Variants in VPS13D observed in about 807,000 individuals in gnomAD.
VPS13D encodes the protein intermembrane lipid transfer protein VPS13D.
In VPS13D, 187 loss-of-function variants were observed where a neutral mutation model predicts 461.9. That is an observed-to-expected ratio of 0.40 (90% CI 0.36 to 0.46). VPS13D has a LOEUF of 0.46. VPS13D is among the 20% of genes least tolerant of loss of function. The probability of loss-of-function intolerance (pLI) is 0.60; values close to 1 mark genes in which losing one functional copy is unlikely to be tolerated. For synonymous variants in VPS13D, 1,951 were observed against 1,986.3 expected, an observed-to-expected ratio of 0.98 and a Z score of 0.47; for missense variants, 4,711 against 5,364.9, an observed-to-expected ratio of 0.88 and a Z score of 3.81.
chr1:12,442,238 G>A (rs186335047), intron 65 of VPS13D, among the ~76,000 whole-genome samples: 6 of 152,162 alleles, frequency 3.9e-5, no homozygotes, highest in African/African-American at 9.6e-5. Context: ...AACTCATTAT[G>A]TTTCAAATAT....
chr1:12,292,262 CAA>C (rs766212937), intron 23 of VPS13D, among the ~76,000 whole-genome samples: 5 of 12,242 alleles, frequency 4.1e-4, no homozygotes, highest in Admixed American at 1.0e-3. Context: ...AACTCCATCT[CAA>C]AAAAAAAAAA....
intron 46 of VPS13D, among the ~76,000 whole-genome samples, chr1:12,349,818 C>G (rs1405548780): frequency 6.6e-6 from 1 of 152,052 alleles, no homozygotes; most frequent in Non-Finnish European, 1.5e-5. Flanking sequence ...GACAAAATTG[C>G]CTAACCATTT....
intron 52 of VPS13D, among the ~76,000 whole-genome samples, chr1:12,363,671 C>T (rs1186651465): frequency 6.6e-6 from 1 of 152,014 alleles, no homozygotes; most frequent in Non-Finnish European, 1.5e-5. Context: ...AAAAATTAAC[C>T]AGGCCGGGCG....
At chr1:12,338,504 A>G (rs1247106484) in intron 40 of VPS13D, among the ~76,000 whole-genome samples, 199 bp downstream of exon 40, 1 of 152,068 alleles carries the variant, frequency 6.6e-6, no homozygotes, top group Non-Finnish European at 1.5e-5. Flanking sequence ...TTTCCCTTCC[A>G]TCTCCCTTAA....
intron 52 of VPS13D, among the ~76,000 whole-genome samples, chr1:12,366,057 C>T (rs1303653765): frequency 6.6e-6 from 1 of 151,408 alleles, no homozygotes; most frequent in African/African-American, 2.4e-5. Flanking sequence ...ACCACCATGC[C>T]TGGCTAATTT....
chr1:12,277,353 A>G lies in VPS13D; in HGVS notation c.3765A>G (p.Glu1255=). The G allele has an allele frequency of 1.2e-6, 2 of 1,614,190 alleles. No homozygotes were observed. Among genetic ancestry groups the G allele is most frequent in the East Asian group, 4.5e-5 (2 of 44,884 alleles). The change falls in exon 19 of 70, where the codon GAA becomes GAG. Residue 1255 remains glutamate (E), a synonymous_variant. Transcript: ENST00000620676. ...ENIISDIGYF[E]SVFVRMEDAA... ...TCATCAGTGATATTGGCTACTTTGA[A>G]TCTGTGTTTGTCAGAATGGAAGATG...
At chr1:12,504,499 C>A (rs1646078306) in intron 68 of VPS13D, among the ~76,000 whole-genome samples, 1 of 152,202 alleles carries the variant, frequency 6.6e-6, no homozygotes, top group Admixed American at 6.5e-5. Context: ...CCTCCACTTA[C>A]CTTTCTGTAT....
At chr1:12,392,682 C>T (rs2101666400) in intron 60 of VPS13D, among the ~76,000 whole-genome samples, 1 of 152,100 alleles carries the variant, frequency 6.6e-6, no homozygotes, top group South Asian at 2.1e-4. Flanking sequence ...CTCAAAAGGA[C>T]AGTAGTTATC....
chr1:12,405,217 T>A (rs867194002), intron 63 of VPS13D, among the ~76,000 whole-genome samples: 4 of 152,234 alleles, frequency 2.6e-5, no homozygotes, highest in Non-Finnish European at 5.9e-5. Flanking sequence ...CATGGAGGAA[T>A]GTGAACCTGG....
intron 57 of VPS13D, among the ~76,000 whole-genome samples, chr1:12,382,162 C>T (rs1644291517): frequency 6.6e-6 from 1 of 151,520 alleles, no homozygotes; most frequent in South Asian, 2.1e-4. Context: ...AGTACAATAG[C>T]ACAATCTCAG....
chr1:12,248,273 A>G (rs1415340663), intron 5 of VPS13D, among the ~76,000 whole-genome samples: 1 of 152,084 alleles, frequency 6.6e-6, no homozygotes, highest in East Asian at 1.9e-4. Flanking sequence ...CCAGATTCTT[A>G]TCAGATTTGC....
chr1:12,497,701 C>T, intron 68 of VPS13D, 70 bp downstream of exon 68: 1 of 1,531,768 alleles, frequency 6.5e-7, no homozygotes, highest in Non-Finnish European at 8.8e-7. Context: ...CCTGAGAAGT[C>T]TCCATCTGAT....
At chr1:12,462,945 A>T (rs1231416947) in intron 67 of VPS13D, among the ~76,000 whole-genome samples, 1 of 152,158 alleles carries the variant, frequency 6.6e-6, no homozygotes, top group Non-Finnish European at 1.5e-5. Flanking sequence ...TTACATTTCC[A>T]TGTAGATGAG....
At chr1:12,458,455 C>T (rs1645358597) in intron 66 of VPS13D, among the ~76,000 whole-genome samples, 1 of 151,942 alleles carries the variant, frequency 6.6e-6, no homozygotes, top group African/African-American at 2.4e-5. Flanking sequence ...GTAAGCCCAG[C>T]ACTTTGGAAG....
chr1:12,434,949 ATCT>A (rs1300632885), intron 65 of VPS13D, among the ~76,000 whole-genome samples: 1 of 152,226 alleles, frequency 6.6e-6, no homozygotes, highest in African/African-American at 2.4e-5. Flanking sequence ...GTCTCACATA[ATCT>A]TTTGTCAAAG....
chr1:12,476,356 G>A (rs1412428378), intron 67 of VPS13D, among the ~76,000 whole-genome samples: 3 of 152,220 alleles, frequency 2.0e-5, no homozygotes, highest in Admixed American at 1.3e-4. Context: ...GGTAGGTCCA[G>A]CTTTCCAAAT....
intron 10 of VPS13D, among the ~76,000 whole-genome samples, chr1:12,260,095 C>T (rs751197601): frequency 6.9e-6 from 1 of 144,822 alleles, no homozygotes; most frequent in Non-Finnish European, 1.5e-5. Flanking sequence ...GCGCCATCTC[C>T]ACTCACTGCA....
intron 30 of VPS13D, among the ~76,000 whole-genome samples, chr1:12,317,727 A>G (rs537684486): frequency 6.6e-6 from 1 of 152,242 alleles, no homozygotes; most frequent in South Asian, 2.1e-4. Context: ...TCTGGGCAAC[A>G]GAGTGTGACC....
intron 24 of VPS13D, among the ~76,000 whole-genome samples, chr1:12,298,607 A>ACTC (rs1642340625): frequency 1.3e-5 from 2 of 150,644 alleles, no homozygotes; most frequent in Non-Finnish European, 3.0e-5. Context: ...GTGCCACTGT[A>ACTC]CTCCAGCCTG....
Sources: gnomAD v4.1 joint callset for allele counts (sites outside exome capture counted in the v4.1 genomes callset) on GRCh38, gnomAD v4.1.1 for gene constraint, MANE v1.5 for transcripts, NCBI Gene and HGNC (gene_info 2026-07-23, HGNC 2026-07-21) for gene names.